Variants in ATG10 observed in about 807,000 individuals in gnomAD.
ATG10 encodes ubiquitin-like-conjugating enzyme ATG10.
In ATG10, 30 loss-of-function variants were observed where a neutral mutation model predicts 32.1. That is an observed-to-expected ratio of 0.94 (90% CI 0.70 to 1.27). ATG10 has a LOEUF of 1.27. Among genes scored for constraint, ATG10 ranks in the 50% most tolerant of loss-of-function variants. The pLI is 0.00. For missense variants in ATG10, 233 were observed against 262.3 expected (o/e 0.89, Z 0.77); for synonymous variants, 87 against 91.5 (o/e 0.95, Z 0.28).
At chr5:82,000,013 A>T (rs977137260) in intron 2 of ATG10, among the ~76,000 whole-genome samples, 1 of 152,116 alleles carries the variant, frequency 6.6e-6, no homozygotes, top group Non-Finnish European at 1.5e-5. Flanking sequence ...GAACAACAAA[A>T]AAATAAAACT....
chr5:82,202,948 G>A (rs1278005042), intron 5 of ATG10, among the ~76,000 whole-genome samples: 1 of 152,162 alleles, frequency 6.6e-6, no homozygotes, highest in East Asian at 1.9e-4. Flanking sequence ...GTAATGGGGG[G>A]CTGGGTGTGG....
At chr5:82,023,123 C>T (rs1762496535) in intron 2 of ATG10, among the ~76,000 whole-genome samples, 1 of 151,674 alleles carries the variant, frequency 6.6e-6, no homozygotes, top group African/African-American at 2.4e-5. Flanking sequence ...AAGAAAGTAG[C>T]AATTGGGCAG....
At chr5:82,119,302 T>C (rs1337834303) in intron 3 of ATG10, among the ~76,000 whole-genome samples, 1 of 152,218 alleles carries the variant, frequency 6.6e-6, no homozygotes, top group Non-Finnish European at 1.5e-5. Context: ...TGCTTTTCAA[T>C]CTTGATAACA....
intron 3 of ATG10, among the ~76,000 whole-genome samples, chr5:82,129,836 A>T (rs372850248): frequency 2.0e-5 from 3 of 152,156 alleles, no homozygotes; most frequent in Admixed American, 2.0e-4. Flanking sequence ...GAGCCACTTG[A>T]GGAGGCGGTC....
At chr5:82,204,999 AT>A (rs1266067849) in intron 5 of ATG10, among the ~76,000 whole-genome samples, 1 of 152,246 alleles carries the variant, frequency 6.6e-6, no homozygotes, top group Non-Finnish European at 1.5e-5. Flanking sequence ...GCATATCATC[AT>A]TTAAAAGAAC....
At chr5:82,128,852 C>A (rs546664473) in intron 3 of ATG10, among the ~76,000 whole-genome samples, 24 of 151,654 alleles carry the variant, frequency 1.6e-4, no homozygotes, top group African/African-American at 4.6e-4. Flanking sequence ...TTGCTCTTCT[C>A]AAGGAGTATT....
At chr5:82,047,474 A>G (rs545235875) in intron 2 of ATG10, among the ~76,000 whole-genome samples, 14 of 152,354 alleles carry the variant, frequency 9.2e-5, no homozygotes, top group Non-Finnish European at 1.8e-4. Context: ...AAGAAGGGGA[A>G]GAGACTTAGC....
chr5:82,037,203 T>TTTA (rs1381515355), intron 2 of ATG10, among the ~76,000 whole-genome samples: 1 of 148,546 alleles, frequency 6.7e-6, no homozygotes, highest in Non-Finnish European at 1.5e-5. Flanking sequence ...CATCTGCAGT[T>TTTA]TTATCACTTT....
intron 5 of ATG10, among the ~76,000 whole-genome samples, chr5:82,244,523 T>C (rs1279885336): frequency 6.6e-6 from 1 of 152,260 alleles, no homozygotes; most frequent in East Asian, 1.9e-4. Context: ...TCATTTTCCT[T>C]CCCCTGCTTG....
chr5:82,082,418 T>C (rs999163937), intron 3 of ATG10, among the ~76,000 whole-genome samples: 2 of 152,178 alleles, frequency 1.3e-5, no homozygotes, highest in East Asian at 3.9e-4. Context: ...AACCCAGAAA[T>C]ATCTCAGTAA....
intron 3 of ATG10, among the ~76,000 whole-genome samples, chr5:82,087,865 A>G (rs936227983): frequency 1.3e-5 from 2 of 152,150 alleles, no homozygotes; most frequent in Admixed American, 6.6e-5. Context: ...TTTGCAGGTG[A>G]TAGATAGGTT....
intron 5 of ATG10, among the ~76,000 whole-genome samples, chr5:82,197,080 A>G (rs926296075): frequency 2.0e-5 from 3 of 152,168 alleles, no homozygotes; most frequent in Non-Finnish European, 4.4e-5. Context: ...ACACTGTTGT[A>G]TAGATTTTCA....
chr5:82,041,137 A>G (rs1262481261), intron 2 of ATG10, among the ~76,000 whole-genome samples: 1 of 152,094 alleles, frequency 6.6e-6, no homozygotes, highest in Non-Finnish European at 1.5e-5. Flanking sequence ...CTTCAACTTT[A>G]CTTATTATCT....
At chr5:82,234,363 A>G (rs1746479490) in intron 5 of ATG10, among the ~76,000 whole-genome samples, 1 of 152,158 alleles carries the variant, frequency 6.6e-6, no homozygotes, top group African/African-American at 2.4e-5. Flanking sequence ...CTGAGCAGGT[A>G]TCAGGGCCCA....
chr5:82,021,814 A>G (rs1311566344), intron 2 of ATG10, among the ~76,000 whole-genome samples: 1 of 151,820 alleles, frequency 6.6e-6, no homozygotes, highest in Non-Finnish European at 1.5e-5. Flanking sequence ...CACAAGGTCA[A>G]GAGATTGAGA....
At chr5:82,073,497 A>C (rs1037104891) in intron 3 of ATG10, 2 of 152,174 alleles carry the variant, frequency 1.3e-5, no homozygotes, top group Admixed American at 6.5e-5. Context: ...TTGGTTTTAC[A>C]TCCCTGCTTT....
intron 5 of ATG10, among the ~76,000 whole-genome samples, chr5:82,201,927 T>A (rs1745084196): frequency 6.6e-6 from 1 of 152,234 alleles, no homozygotes; most frequent in Admixed American, 6.5e-5. Flanking sequence ...TTTCAAATTC[T>A]AGTTGTTTAT....
At chr5:81,999,054 G>A (rs1354181445) in intron 2 of ATG10, among the ~76,000 whole-genome samples, 1 of 150,852 alleles carries the variant, frequency 6.6e-6, no homozygotes, top group Non-Finnish European at 1.5e-5. Context: ...ACAGAATGCT[G>A]TACCCAGAAA....
chr5:81,984,010 C>G (rs1228642223), intron 1 of ATG10, among the ~76,000 whole-genome samples: 1 of 152,224 alleles, frequency 6.6e-6, no homozygotes, highest in African/African-American at 2.4e-5. Flanking sequence ...ACGCTCCTCA[C>G]TTTCCAGACG....
Sources: gnomAD v4.1 joint callset for allele counts (sites outside exome capture counted in the v4.1 genomes callset) on GRCh38, gnomAD v4.1.1 for gene constraint, MANE v1.5 for transcripts, NCBI Gene and HGNC (gene_info 2026-07-23, HGNC 2026-07-21) for gene names.